CMKLR2: variants seen among roughly 807,000 people sequenced by gnomAD.
CMKLR2 encodes chemerin-like receptor 2.
In CMKLR2, 18 loss-of-function variants were observed where a neutral mutation model predicts 23.0. The ratio of observed to expected loss-of-function variants is 0.78; its 90% confidence interval spans 0.54 to 1.16. The LOEUF is 1.16. Ranked by LOEUF, CMKLR2 falls within the 50% of genes most tolerant of loss-of-function variation. The probability of loss-of-function intolerance (pLI) is 0.00; values close to 1 mark genes in which losing one functional copy is unlikely to be tolerated. For missense variants in CMKLR2, 401 were observed against 412.7 expected (o/e 0.97, Z 0.25); for synonymous variants, 158 against 158.9 (o/e 0.99, Z 0.05).
intron 1 of CMKLR2, among the ~76,000 whole-genome samples, chr2:206,203,204 T>G (rs1689168288): frequency 6.7e-6 from 1 of 149,668 alleles, no homozygotes; most frequent in Non-Finnish European, 1.5e-5. Context: ...GGCGCATGCC[T>G]GTAATCCCAG....
At chr2:206,181,919 C>A (rs1688425638) in intron 1 of CMKLR2, among the ~76,000 whole-genome samples, 1 of 143,078 alleles carries the variant, frequency 7.0e-6, no homozygotes, top group South Asian at 2.2e-4. Flanking sequence ...CCACTGCACT[C>A]CAGCCTGGGT....
intron 1 of CMKLR2, among the ~76,000 whole-genome samples, chr2:206,194,519 C>T (rs888500287): frequency 2.9e-5 from 4 of 136,278 alleles, no homozygotes; most frequent in Non-Finnish European, 6.1e-5. Flanking sequence ...AGTGCAGTGG[C>T]GTAATATGGC....
At position 206,176,542 on chromosome 2, in the gene CMKLR2, G is replaced by A. The variant is rs34685097; in HGVS notation, c.706C>T (p.Arg236Ter). ...TGCCTACTGGAGATCAGGATGCTTCGCTTCTTCACCTTGAAGATGAGACAC... is the reference window on the plus strand; with the variant it reads ...TGCCTACTGGAGATCAGGATGCTTCACTTCTTCACCTTGAAGATGAGACAC... ...YLCLIFKVKK[R>*]SILISSRHFW... is the part of the protein sequence containing the mutation. The change falls in exon 2 of 2, where the codon CGA (arginine) becomes TGA (stop). Residue 236 changes from arginine to a stop codon, truncating the protein, a stop_gained. Coordinates refer to ENST00000621141, the MANE Select transcript of CMKLR2 (RefSeq NM_001389445.1). LOFTEE classifies it high-confidence loss of function. The A allele has an allele frequency of 3.1e-4, 501 of 1,614,034 alleles. 2 individuals carry two copies. In the East Asian group the frequency reaches 9.9e-3, roughly 32 times the overall value.
At chr2:206,183,565 G>T (rs527577808) in intron 1 of CMKLR2, among the ~76,000 whole-genome samples, 1 of 152,302 alleles carries the variant, frequency 6.6e-6, no homozygotes, top group Admixed American at 6.5e-5. Context: ...GGAAGCAGAT[G>T]AACACATTAG....
At chr2:206,204,041 T>C (rs1414591601) in intron 1 of CMKLR2, 1 of 152,172 alleles carries the variant, frequency 6.6e-6, no homozygotes, top group Non-Finnish European at 1.5e-5. Flanking sequence ...GTCTGGATCA[T>C]AGTAAGAGCT....
intron 1 of CMKLR2, among the ~76,000 whole-genome samples, chr2:206,199,498 A>G (rs1689023226): frequency 6.6e-6 from 1 of 151,930 alleles, no homozygotes; most frequent in Non-Finnish European, 1.5e-5. Context: ...GGGAAGGGAA[A>G]AGATCCTGGT....
chr2:206,185,542 T>C (rs140293388), intron 1 of CMKLR2, among the ~76,000 whole-genome samples: 151 of 152,338 alleles, frequency 9.9e-4, no homozygotes, highest in Non-Finnish European at 2.0e-3. Context: ...TTACATCATA[T>C]AGATGCTTTT....
At chr2:206,211,868 G>C (rs1210836178) in intron 1 of CMKLR2, among the ~76,000 whole-genome samples, 2 of 120,070 alleles carry the variant, frequency 1.7e-5, no homozygotes, top group African/African-American at 6.4e-5. Flanking sequence ...TTAGGTTCTG[G>C]TTGCCCAGGC....
At chr2:206,198,553 A>C (rs1213940771) in intron 1 of CMKLR2, among the ~76,000 whole-genome samples, 1 of 152,210 alleles carries the variant, frequency 6.6e-6, no homozygotes, top group Non-Finnish European at 1.5e-5. Flanking sequence ...CCTTGCACAG[A>C]GTGGACATTC....
At chr2:206,190,092 C>T (rs1427199555) in intron 1 of CMKLR2, among the ~76,000 whole-genome samples, 3 of 152,076 alleles carry the variant, frequency 2.0e-5, no homozygotes, top group Non-Finnish European at 4.4e-5. Context: ...TAGAACAACC[C>T]TCACACTCCA....
In CMKLR2 at chr2:206,179,206, C is replaced by T. The variant is rs536874865; in HGVS notation, c.-28-1931G>A. Among the ~76,000 whole-genome samples, 9 of 142,782 alleles carry T rather than the reference C, an allele frequency of 6.3e-5. No homozygotes were observed. The East Asian group carries it at 1.7e-3, about 27-fold the overall frequency. The allele number at this position is 142,782 out of a possible 152,430, so 93.7% of individuals were successfully genotyped here. On this transcript the variant is annotated intron_variant, in intron 1 of 1. Transcript: ENST00000621141. ...TCTCCTGCCTCAGCCTCCCGAGTAG[C>T]TGGAATTACAGGCATGTGCCACTAC... is the stretch of plus-strand genomic sequence containing the variant.
intron 1 of CMKLR2, among the ~76,000 whole-genome samples, chr2:206,189,396 A>C (rs777796551): frequency 6.6e-6 from 1 of 152,216 alleles, no homozygotes; most frequent in Non-Finnish European, 1.5e-5. Context: ...GCACTTTGAG[A>C]GGCTGAGGCA....
In CMKLR2 at chr2:206,176,230, G is replaced by T. The variant is rs1688202224; in HGVS notation, c.1018C>A (p.Leu340Ile). The change falls in exon 2 of 2, where the codon CTC becomes ATC. Residue 340 changes from leucine to isoleucine, a missense_variant. Coordinates refer to ENST00000621141, the MANE Select transcript of CMKLR2 (RefSeq NM_001389445.1). The part of the protein sequence containing the change: ...VSCSGTVSEQ[L>I]RNSETKNLCL... Reference sequence around the variant, plus strand: ...AGATTCTTGGTTTCTGAGTTCCTGAGCTGTTCACTCACTGTGCCAGAACAG... The same window carrying T: ...AGATTCTTGGTTTCTGAGTTCCTGATCTGTTCACTCACTGTGCCAGAACAG... The T allele has an allele frequency of 1.9e-6, 3 of 1,614,170 alleles. No individual in the cohort carries two copies. In the East Asian group the frequency reaches 6.7e-5, roughly 36 times the overall value.
chr2:206,193,934 C>A (rs952720960), intron 1 of CMKLR2, among the ~76,000 whole-genome samples: 1 of 152,132 alleles, frequency 6.6e-6, no homozygotes, highest in African/African-American at 2.4e-5. Context: ...TTGTCAGTGA[C>A]ATTGATAGAA....
intron 1 of CMKLR2, among the ~76,000 whole-genome samples, chr2:206,209,647 CT>C (rs71034424): frequency 0.86 from 116,040 of 134,862 alleles, 49,702 homozygotes; most frequent in Non-Finnish European, 0.88. Flanking sequence ...TCTTTTCTTT[CT>C]TTTTTTTTTT....
At chr2:206,216,734 T>A (rs1480238792), upstream of CMKLR2, among the ~76,000 whole-genome samples, 1 of 152,208 alleles carries the variant, frequency 6.6e-6, no homozygotes, top group Non-Finnish European at 1.5e-5. Flanking sequence ...ATGCTTGAAC[T>A]ATCACTATTA....
intron 1 of CMKLR2, among the ~76,000 whole-genome samples, chr2:206,198,146 T>A (rs1688978745): frequency 6.6e-6 from 1 of 152,228 alleles, no homozygotes; most frequent in Non-Finnish European, 1.5e-5. Flanking sequence ...ATTTTGTTAA[T>A]CATGGATTAT....
intron 1 of CMKLR2, among the ~76,000 whole-genome samples, chr2:206,182,261 C>T (rs1378831853): frequency 6.6e-6 from 1 of 152,192 alleles, no homozygotes; most frequent in African/African-American, 2.4e-5. Flanking sequence ...CTCAAGATCA[C>T]ACAACCTGCA....
chr2:206,209,212 C>T (rs1366670385), intron 1 of CMKLR2, among the ~76,000 whole-genome samples: 4 of 152,094 alleles, frequency 2.6e-5, no homozygotes, highest in African/African-American at 9.6e-5. Context: ...GTGGTACACG[C>T]CTGTAATCCC....
Sources: allele counts gnomAD v4.1 joint callset (sites outside exome capture counted in the v4.1 genomes callset), GRCh38; gene constraint gnomAD v4.1.1; transcripts MANE v1.5; gene names NCBI Gene and HGNC (gene_info 2026-07-23, HGNC 2026-07-21).